The following MYBPC1 variants were observed in gnomAD, a reference collection of about 807,000 sequenced individuals.
MYBPC1 encodes the protein myosin-binding protein C, slow-type.
MYBPC1 carries 52 observed loss-of-function variants against 147.1 expected under a neutral mutation model. The observed-to-expected ratio is 0.35, with a 90% confidence interval of 0.28 to 0.45. MYBPC1 has a LOEUF of 0.45. Ranked by LOEUF, MYBPC1 falls within the 20% of genes least tolerant of loss-of-function variation. The pLI is 1.00. For synonymous variants in MYBPC1, 477 were observed against 475.9 expected, an observed-to-expected ratio of 1.00 and a Z score of -0.03; for missense variants, 1,228 against 1,440.3, an observed-to-expected ratio of 0.85 and a Z score of 2.39.
chr12:101,629,218 T>C, intron 5 of MYBPC1: 1 of 558,818 alleles, frequency 1.8e-6, no homozygotes, highest in Non-Finnish European at 3.2e-6. Flanking sequence ...TTACATAATG[T>C]TCATTTGCCC....
intron 1 of MYBPC1, among the ~76,000 whole-genome samples, chr12:101,596,162 T>C (rs938653940): frequency 1.3e-5 from 2 of 152,224 alleles, no homozygotes; most frequent in Admixed American, 1.3e-4. Context: ...GATGTTGAAA[T>C]ACTAACCAAA....
rs112869312 is a variant in MYBPC1 at position 101,642,690 on chromosome 12, G to A, written c.832+105G>A. 2.1e-3 allele frequency: 2,790 copies of A among 1,327,054 alleles called. 40 individuals are homozygous for A. In the African/African-American group the frequency reaches 0.036, roughly 17 times the overall value. 82.2% of individuals were successfully genotyped at this position (1,327,054 alleles called of 1,614,324 possible). On this transcript the variant is annotated intron_variant, in intron 11 of 31. Coordinates refer to ENST00000361466, the MANE Select transcript of MYBPC1 (RefSeq NM_002465.4). ...CTCCTTCCAGTCTCCCGCGGGGTTG[G>A]GAGTGGGGCTGGGTAGGAGTGCAGG...
At position 101,678,351 on chromosome 12, in the gene MYBPC1, G is replaced by C; in HGVS notation, c.3246+113G>C. ...TGCTACTTGTGTCTTCCCAGGATGG[G>C]GGATTAGAAGGTGGTAGTGGTGGTA... is the stretch of plus-strand genomic sequence containing the variant. On this transcript the variant is annotated intron_variant, in intron 28 of 31. Coordinates refer to ENST00000361466, the MANE Select transcript of MYBPC1 (RefSeq NM_002465.4). 8 of 1,445,154 alleles carry C rather than the reference G, an allele frequency of 5.5e-6. No homozygotes were observed. In the South Asian group the frequency reaches 9.3e-5, roughly 17 times the overall value. 89.5% of individuals were successfully genotyped at this position (1,445,154 alleles called of 1,614,324 possible).
chr12:101,677,969 T>C, intron 27 of MYBPC1, 133 bp from the exon 28 acceptor site: 1 of 1,132,938 alleles, frequency 8.8e-7, no homozygotes, highest in South Asian at 1.3e-5. Flanking sequence ...GTTTGCCACA[T>C]GGCATTTGCT....
chr12:101,654,241 A>G lies in MYBPC1; in HGVS notation c.1767+993A>G, dbSNP rs533786503. 1.1e-4 allele frequency among the ~76,000 whole-genome samples: 17 copies of G among 152,282 alleles called. No individual in the cohort carries two copies. In the East Asian group the frequency reaches 1.5e-3, roughly 14 times the overall value. On this transcript the variant is annotated intron_variant, in intron 18 of 31. Coordinates refer to ENST00000361466, the MANE Select transcript of MYBPC1 (RefSeq NM_002465.4). ...TTTTTAATGTTAAAAATAAAATTAA[A>G]TAATAAAAAGCAGAATGAGACTTCT... is the stretch of plus-strand genomic sequence containing the variant.
chr12:101,606,414 C>T (rs2135667037), intron 1 of MYBPC1, among the ~76,000 whole-genome samples: 1 of 152,004 alleles, frequency 6.6e-6, no homozygotes, highest in Non-Finnish European at 1.5e-5. Context: ...CTAGGCAGCT[C>T]CTGAAGATCC....
chr12:101,615,424 A>G (rs1369678659), intron 2 of MYBPC1, among the ~76,000 whole-genome samples: 3 of 152,096 alleles, frequency 2.0e-5, no homozygotes, highest in Non-Finnish European at 2.9e-5. Context: ...CTAGGTATTT[A>G]CCCTGTGCAC....
At chr12:101,622,861 G>A (rs1887743033) in intron 3 of MYBPC1, among the ~76,000 whole-genome samples, 1 of 152,202 alleles carries the variant, frequency 6.6e-6, no homozygotes. Flanking sequence ...ATTGCCAATT[G>A]AGAAGTAATT....
chr12:101,595,582 A>G (rs1565864125), intron 1 of MYBPC1, among the ~76,000 whole-genome samples: 1 of 152,212 alleles, frequency 6.6e-6, no homozygotes, highest in African/African-American at 2.4e-5. Context: ...TAATGGAAAC[A>G]TATTTAAAAT....
rs180689461 is a variant in MYBPC1, at chr12:101,670,285, C to G, written c.2525-36C>G. ...TGTAAGGCTATTTTCAGACACCAGA[C>G]TGATTGCAAAATTGTGCTATTTTAC... On this transcript the variant is annotated intron_variant, in intron 23 of 31. Coordinates refer to ENST00000361466, the MANE Select transcript of MYBPC1 (RefSeq NM_002465.4). The G allele has an allele frequency of 1.2e-5, 19 of 1,562,072 alleles. No homozygotes were observed. The Admixed American group carries it at 2.7e-4, about 22-fold the overall frequency.
chr12:101,673,714 G>T lies in MYBPC1; in HGVS notation c.2809+92G>T. The T allele has an allele frequency of 8.7e-6, 12 of 1,377,122 alleles. No individual in the cohort carries two copies. The South Asian group carries it at 1.4e-4, about 16-fold the overall frequency. The allele number at this position is 1,377,122 out of a possible 1,614,324, so 85.3% of individuals were successfully genotyped here. A position where few individuals can be genotyped will look rare whatever the true frequency, so the allele number is the denominator to read the frequency against. On this transcript the variant is annotated intron_variant, in intron 25 of 31. Coordinates refer to ENST00000361466, the MANE Select transcript of MYBPC1 (RefSeq NM_002465.4). ...TAAGGCAAGAGCAGGAGTTTTGTTA[G>T]GCTGGCTCTACATAAAACTCTTTTT... is the stretch of plus-strand genomic sequence containing the variant.
intron 1 of MYBPC1, among the ~76,000 whole-genome samples, chr12:101,611,460 G>A (rs191056424): frequency 2.0e-5 from 3 of 152,306 alleles, no homozygotes; most frequent in African/African-American, 7.2e-5. Context: ...TGGATTTTAA[G>A]CAACTACAGT....
At chr12:101,619,813 T>C (rs1886978815) in intron 3 of MYBPC1, among the ~76,000 whole-genome samples, 2 of 152,348 alleles carry the variant, frequency 1.3e-5, no homozygotes, top group South Asian at 4.1e-4. Flanking sequence ...TCTGTCACTA[T>C]TAAGAATATT....
At chr12:101,615,257 A>C (rs942355255) in intron 2 of MYBPC1, among the ~76,000 whole-genome samples, 2 of 152,214 alleles carry the variant, frequency 1.3e-5, no homozygotes, top group Non-Finnish European at 2.9e-5. Flanking sequence ...TAAACTCCCA[A>C]CATGGCTCTT....
chr12:101,617,317 A>T (rs1335152834), intron 3 of MYBPC1, 74 bp downstream of exon 3: 1 of 1,466,350 alleles, frequency 6.8e-7, no homozygotes. Context: ...AATGATTGTC[A>T]TGGTGGCTCC....
At chr12:101,626,091 A>AAAAAAAAAAAC (rs1888539348) in intron 3 of MYBPC1, among the ~76,000 whole-genome samples, 1 of 147,988 alleles carries the variant, frequency 6.8e-6, no homozygotes, top group Admixed American at 6.7e-5. Flanking sequence ...TCTGTCTCAA[A>AAAAAAAAAAAC]AAAAAAAAAA....
At chr12:101,595,632 T>A (rs1876917237) in intron 1 of MYBPC1, among the ~76,000 whole-genome samples, 1 of 152,098 alleles carries the variant, frequency 6.6e-6, no homozygotes, top group African/African-American at 2.4e-5. Context: ...TCAGTGCCTT[T>A]GGAGGTTCGT....
chr12:101,686,838 C>T (rs1053152123), downstream of MYBPC1, among the ~76,000 whole-genome samples: 12 of 152,008 alleles, frequency 7.9e-5, no homozygotes, highest in Non-Finnish European at 1.3e-4. Flanking sequence ...TGATTCAGGT[C>T]GTTGCAGTAC....
intron 3 of MYBPC1, among the ~76,000 whole-genome samples, chr12:101,622,130 C>G (rs543254506): frequency 6.6e-6 from 1 of 151,984 alleles, no homozygotes; most frequent in Admixed American, 6.6e-5. Flanking sequence ...ATCATCACCA[C>G]GTTTAGATAG....
Sources: allele counts gnomAD v4.1 joint callset (sites outside exome capture counted in the v4.1 genomes callset), GRCh38; gene constraint gnomAD v4.1.1; transcripts MANE v1.5; gene names NCBI Gene and HGNC (gene_info 2026-07-23, HGNC 2026-07-21).